Variants in AP1G2 observed in about 807,000 individuals in gnomAD.
AP1G2 encodes the protein AP-1 complex subunit gamma-like 2.
AP1G2 carries 85 observed loss-of-function variants against 95.8 expected under a neutral mutation model. That is an observed-to-expected ratio of 0.89 (90% CI 0.74 to 1.06). The LOEUF (loss-of-function observed/expected upper bound fraction) is 1.06. AP1G2 is among the 50% of genes least tolerant of loss of function. The pLI is 0.00. For missense variants in AP1G2, 967 were observed against 1,005.8 expected, an observed-to-expected ratio of 0.96 and a Z score of 0.52; for synonymous variants, 378 against 400.0, an observed-to-expected ratio of 0.94 and a Z score of 0.66.
rs1262367290 is a variant in AP1G2 at position 23,563,471 on chromosome 14, G to T, written c.1319C>A (p.Ala440Asp). The T allele has an allele frequency of 7.4e-6, 12 of 1,613,952 alleles. No homozygotes were observed. The highest frequency in any genetic ancestry group is 1.0e-5 in the Non-Finnish European group (12 of 1,179,986). The stretch of plus-strand genomic sequence containing the variant: ...CCCCCCAATCAGCTGGGTCAGGTTG[G>T]CCACTGCATCATCCCGCACATGGGT... ...AGTHVRDDAVANLTQLIGGAQ... is the reference protein window; with the variant it reads ...AGTHVRDDAVDNLTQLIGGAQ... Residue 440 changes from alanine to aspartate, a missense_variant, in exon 14 of 22, where the codon GCC becomes GAC. Coordinates refer to ENST00000397120, the MANE Select transcript of AP1G2 (RefSeq NM_003917.5).
chr14:23,561,337 A>G lies in AP1G2; in HGVS notation c.1952T>C (p.Leu651Pro). 1 of 1,576,928 alleles carries G rather than the reference A, an allele frequency of 6.3e-7. No homozygotes were observed. Among genetic ancestry groups the G allele is most frequent in the Non-Finnish European group, 8.6e-7 (1 of 1,160,794 alleles). Residue 651 changes from leucine to proline, a missense_variant, in exon 19 of 22, where the codon CTG becomes CCG. Physicochemically the swap from Leu to Pro is moderately conservative, Grantham distance 98. Transcript: ENST00000397120. ...ACAGGGAAGGTCAAGCAGGTGTACCAGGGCACCTCCTGGGGAGGGGTCCAG... is the reference window on the plus strand; with the variant it reads ...ACAGGGAAGGTCAAGCAGGTGTACCGGGGCACCTCCTGGGGAGGGGTCCAG... ...PHLDPSPGGALVHLLDLPCVP... is the reference protein window; with the variant it reads ...PHLDPSPGGAPVHLLDLPCVP...
intron 21 of AP1G2, 38 bp from the exon 22 acceptor site, chr14:23,559,888 C>T (rs749147648): frequency 2.6e-5 from 42 of 1,611,370 alleles, no homozygotes; most frequent in Admixed American, 2.0e-4. Context: ...TTAGCACCCA[C>T]GGCTTCTTCT....
chr14:23,562,308 A>G lies in AP1G2; in HGVS notation c.1608T>C (p.Thr536=), dbSNP rs765391495. ...YALTALMKLS[T]RLCGDNNRIR... ...CTTACTTGTTGTCCCCACAGAGGCG[A>G]GTGCTGAGCTTCATGAGGGCTGTGA... is the stretch of plus-strand genomic sequence containing the variant. The change falls in exon 16 of 22, where the codon ACT becomes ACC. Residue 536 remains threonine, a synonymous_variant. Coordinates refer to ENST00000397120, the MANE Select transcript of AP1G2 (RefSeq NM_003917.5). 1.2e-6 allele frequency: 2 copies of G among 1,614,194 alleles called. No homozygotes were observed. The highest frequency in any genetic ancestry group is 8.5e-7 in the Non-Finnish European group (1 of 1,180,016).
At chr14:23,561,086 C>G (rs1316681740) in intron 19 of AP1G2, 5 of 1,294,620 alleles carry the variant, frequency 3.9e-6, no homozygotes, top group Non-Finnish European at 4.9e-6. Flanking sequence ...GGGGAGGAAG[C>G]AGGGCCCTGT....
At position 23,565,682 on chromosome 14, in the gene AP1G2, T is replaced by G. The variant is rs1166537786; in HGVS notation, c.665A>C (p.His222Pro). The G allele has an allele frequency of 1.2e-6, 2 of 1,614,140 alleles. No homozygotes were observed. The highest frequency in any genetic ancestry group is 1.7e-6 in the Non-Finnish European group (2 of 1,179,994). ...CATTGTCACCAGAGTCCGGAGGATGTGTACCAGCTGGGGTACCACCTGGAG... is the reference window on the plus strand; with the variant it reads ...CATTGTCACCAGAGTCCGGAGGATGGGTACCAGCTGGGGTACCACCTGGAG... Reference protein sequence around the residue: ...HFRKVVPQLVHILRTLVTMGY... With the variant: ...HFRKVVPQLVPILRTLVTMGY... Residue 222 changes from histidine (H) to proline (P), a missense_variant, in exon 7 of 22, where the codon CAC becomes CCC. His to Pro is a moderately conservative substitution (Grantham distance 77). Transcript: ENST00000397120.
intron 7 of AP1G2, 76 bp downstream of exon 7, chr14:23,565,530 G>C: frequency 7.7e-7 from 1 of 1,304,418 alleles, no homozygotes; most frequent in Non-Finnish European, 1.1e-6. Flanking sequence ...GTGTTCTCTG[G>C]GAGGAAACCA....
At position 23,563,240 on chromosome 14, in the gene AP1G2, C is replaced by G. The variant is rs1437791478; in HGVS notation, c.1410+140G>C. 6.2e-6 allele frequency: 9 copies of G among 1,457,182 alleles called. No homozygotes were observed. The South Asian group carries it at 1.2e-4, about 19-fold the overall frequency. 90.3% of individuals were successfully genotyped at this position (1,457,182 alleles called of 1,614,324 possible). ...AGCCCAGATGTTCTTAAAAACAGGG[C>G]TCTGTGCTCAGATGTCTTCTGCACT... is the stretch of plus-strand genomic sequence containing the variant. On this transcript the variant is annotated intron_variant, in intron 14 of 21. Transcript: ENST00000397120.
At chr14:23,561,209 C>A in intron 19 of AP1G2, 87 bp downstream of exon 19, 1 of 1,485,306 alleles carries the variant, frequency 6.7e-7, no homozygotes, top group South Asian at 1.5e-5. Context: ...GAAGCAGGGT[C>A]CATGAGCCTC....
rs748756065 is a variant in AP1G2, at chr14:23,562,038, C to A, written c.1657G>T (p.Gly553Trp). 4 of 1,613,694 alleles carry A rather than the reference C, an allele frequency of 2.5e-6. No homozygotes were observed. In the East Asian group the frequency reaches 8.9e-5, roughly 36 times the overall value. The change falls in exon 17 of 22, where the codon GGG becomes TGG. Residue 553 changes from glycine to tryptophan, a missense_variant. By Grantham distance (184) the Gly-to-Trp change is radical. Transcript: ENST00000397120. ...NRIRQVVSIY[G>W]SCLDVELQQR... ...TGCAGCTCCACGTCCAAGCAGCTCC[C>A]GTAGATGGACACCACCTGGCGGATG...
rs866077133 is a variant in AP1G2 at position 23,560,273 on chromosome 14, G to A, written c.2139C>T (p.Cys713=). Residue 713 remains cysteine, a synonymous_variant, in exon 20 of 22, where the codon TGC becomes TGT. Transcript: ENST00000397120. ...TACAAACCTTGGGCACAGCAGCCTG[G>A]CAGATGAAATGGGTGACATCACCCT... ...FSEGDVTHFI[C]QAAVPKSLQL... is the part of the protein sequence containing the mutation. The A allele has an allele frequency of 6.2e-7, 1 of 1,613,752 alleles. No homozygotes were observed. Among genetic ancestry groups the A allele is most frequent in the Non-Finnish European group, 8.5e-7 (1 of 1,180,040 alleles).
intron 7 of AP1G2, 156 bp from the exon 8 acceptor site, chr14:23,565,355 C>G (rs1887328411): frequency 1.2e-6 from 1 of 813,866 alleles, no homozygotes. Flanking sequence ...AGGAGGGGAA[C>G]AGAGGTGTGT....
chr14:23,567,121 T>A lies in AP1G2; in HGVS notation c.194A>T (p.His65Leu). Residue 65 changes from histidine to leucine, a missense_variant, in exon 2 of 22, where the codon CAC becomes CTC. Physicochemically the swap from His to Leu is moderately conservative, Grantham distance 99. Transcript: ENST00000397120. The surrounding 1 kb of genome is among the most constrained non-coding windows in gnomAD (Gnocchi z 5.3). Reference protein sequence around the residue: ...LYVHMLGYPAHFGQMECLKLI... With the variant: ...LYVHMLGYPALFGQMECLKLI... ...ATTCCTGGCCAGTACCTGTCCAAAG[T>A]GGGCGGGGTAGCCCAACATGTGGAC... The A allele has an allele frequency of 6.2e-7, 1 of 1,610,064 alleles. No individual in the cohort carries two copies. The highest frequency in any genetic ancestry group is 1.3e-5 in the African/African-American group (1 of 74,892).
intron 17 of AP1G2, 90 bp downstream of exon 17, chr14:23,561,872 A>G (rs1884903252): frequency 6.6e-7 from 1 of 1,507,512 alleles, no homozygotes; most frequent in Non-Finnish European, 8.9e-7. Flanking sequence ...GGAAGAACAC[A>G]GGTGAGGATG....
chr14:23,562,829 A>C (rs563740724), intron 14 of AP1G2: 2 of 578,372 alleles, frequency 3.5e-6, no homozygotes, highest in South Asian at 4.1e-5. Context: ...AGACCTGGCA[A>C]TATCCCTTTA....
Position 23,560,021 on chromosome 14 carries a change from G to T in AP1G2, c.2173C>A (p.Leu725Met), listed in dbSNP as rs769085601. Residue 725 changes from leucine to methionine, a missense_variant, in exon 21 of 22, where the codon CTG becomes ATG. Leu to Met is a conservative substitution (Grantham distance 15, BLOSUM62 2). Coordinates refer to ENST00000397120, the MANE Select transcript of AP1G2 (RefSeq NM_003917.5). ...AAVPKSLQLQ[L>M]QAPSGNTVPA... ...ACTGTGTTCCCACTGGGGGCCTGCA[G>T]CTGCAGCTGGAGACTCTGAACACAG... 3 of 1,607,812 alleles carry T rather than the reference G, an allele frequency of 1.9e-6. No individual in the cohort carries two copies. The highest frequency in any genetic ancestry group is 2.6e-6 in the Non-Finnish European group (3 of 1,175,872).
chr14:23,560,215 G>A, intron 20 of AP1G2, 40 bp downstream of exon 20: 2 of 1,605,892 alleles, frequency 1.2e-6, no homozygotes, highest in South Asian at 1.1e-5. Flanking sequence ...CTTTTCTCCT[G>A]GAGTCCCCAG....
chr14:23,566,842 G>C, intron 2 of AP1G2, 156 bp from the exon 3 acceptor site: 1 of 1,169,650 alleles, frequency 8.5e-7, no homozygotes, highest in South Asian at 1.5e-5. Context: ...AAATTCAGGC[G>C]TTAGTGGGTA....
At chr14:23,561,106 A>G in intron 19 of AP1G2, 190 bp downstream of exon 19, 1 of 1,321,974 alleles carries the variant, frequency 7.6e-7, no homozygotes, top group Admixed American at 3.5e-5. Context: ...TAGGCCAGGG[A>G]AAGAAGTCTG....
At chr14:23,561,474 A>G in intron 18 of AP1G2, 38 bp downstream of exon 18, 1 of 1,614,066 alleles carries the variant, frequency 6.2e-7, no homozygotes, top group Non-Finnish European at 8.5e-7. Flanking sequence ...TATGAAGCTC[A>G]GCCCGTCTTC....
Sources: allele counts gnomAD v4.1 joint callset, GRCh38; gene constraint gnomAD v4.1.1; non-coding constraint Gnocchi (gnomAD v3.1); transcripts MANE v1.5; gene names NCBI Gene and HGNC (gene_info 2026-07-23, HGNC 2026-07-21).